SCIN: variants seen among roughly 807,000 people sequenced by gnomAD.
SCIN encodes adseverin.
A neutral mutation model predicts 91.8 loss-of-function variants in SCIN; 91 were observed. The observed-to-expected ratio is 0.99, with a 90% CI of 0.84 to 1.18. SCIN has a LOEUF of 1.18. SCIN is among the 50% of genes most tolerant of loss of function. The pLI is 0.00. For missense variants in SCIN, 1,087 were observed against 863.9 expected, an observed-to-expected ratio of 1.26 and a Z score of -3.24; for synonymous variants, 367 against 312.6, an observed-to-expected ratio of 1.17 and a Z score of -1.84.
intron 2 of SCIN, 92 bp from the exon 3 acceptor site, chr7:12,580,968 C>G: frequency 7.6e-7 from 1 of 1,314,596 alleles, no homozygotes; most frequent in East Asian, 2.5e-5. Flanking sequence ...GGCACAAACA[C>G]CAGCAGTATT....
intron 4 of SCIN, among the ~76,000 whole-genome samples, chr7:12,621,453 C>T (rs997486178): frequency 4.6e-5 from 7 of 151,936 alleles, no homozygotes; most frequent in Non-Finnish European, 7.4e-5. Flanking sequence ...AGACTGGGTC[C>T]GCCCACTGGG....
chr7:12,655,696 C>G lies in SCIN; in HGVS notation c.*2981C>G, dbSNP rs1055207994. 3.3e-5 allele frequency: 5 copies of G among 152,166 alleles called. No homozygotes were observed. Among genetic ancestry groups the G allele is most frequent in the Non-Finnish European group, 5.9e-5 (4 of 68,016 alleles). 9.4% of individuals were successfully genotyped at this position (152,166 alleles called of 1,614,324 possible). The stretch of plus-strand genomic sequence containing the variant: ...CTTTTTGATCCATAGCACAGTATTA[C>G]TTTTGTAAACATACACAAAAAATAT... On this transcript the variant is annotated 3_prime_UTR_variant, in exon 16 of 16. Coordinates refer to ENST00000297029, the MANE Select transcript of SCIN (RefSeq NM_001112706.3).
intron 3 of SCIN, chr7:12,596,160 G>A (rs1782836519): frequency 3.4e-6 from 1 of 297,510 alleles, no homozygotes; most frequent in Non-Finnish European, 6.7e-6. Context: ...CTTCCCTTAG[G>A]GTGGGCTGCC....
intron 4 of SCIN, among the ~76,000 whole-genome samples, chr7:12,605,516 G>A (rs1441870017): frequency 1.3e-5 from 2 of 152,168 alleles, no homozygotes; most frequent in Non-Finnish European, 2.9e-5. Context: ...TTGGGGATGG[G>A]AGTCAAGTCT....
At chr7:12,624,911 A>T (rs545186014) in intron 5 of SCIN, 99 bp from the exon 6 acceptor site, 1 of 1,184,642 alleles carries the variant, frequency 8.4e-7, no homozygotes, top group Non-Finnish European at 1.2e-6. Flanking sequence ...TTTTTATTTG[A>T]TGACATTTAC....
chr7:12,577,545 T>A (rs1291109350), intron 1 of SCIN: 1 of 456,364 alleles, frequency 2.2e-6, no homozygotes, highest in East Asian at 6.9e-5. Context: ...TTTAAAGGAA[T>A]TGGAAAAAGC....
In SCIN at chr7:12,644,334, A is replaced by G; in HGVS notation, c.1759+19A>G. On this transcript the variant is annotated intron_variant, in intron 12 of 15. Coordinates refer to ENST00000297029, the MANE Select transcript of SCIN (RefSeq NM_001112706.3). ...GAGCCAGGTGTGTGCTCTGGGGCCAAGGGCACTAACTAGAATTTATACTGA... is the reference window on the plus strand; with the variant it reads ...GAGCCAGGTGTGTGCTCTGGGGCCAGGGGCACTAACTAGAATTTATACTGA... The G allele has an allele frequency of 6.4e-7, 1 of 1,566,058 alleles. No individual in the cohort carries two copies. Among genetic ancestry groups the G allele is most frequent in the Non-Finnish European group, 8.7e-7 (1 of 1,155,250 alleles).
Position 12,625,060 on chromosome 7 carries a change from C to T in SCIN, c.810C>T (p.Asn270=). 2 of 1,591,230 alleles carry T rather than the reference C, an allele frequency of 1.3e-6. No homozygotes were observed. The highest frequency in any genetic ancestry group is 8.6e-7 in the Non-Finnish European group (1 of 1,167,860). ...GAGTGACTGTGGTGGCAGAAGAAAA[C>T]CCCTTCTCAATGGCAATGCTGCTGT... ...SMRVTVVAEE[N]PFSMAMLLSE... is the part of the protein sequence containing the mutation. The change falls in exon 6 of 16, where the codon AAC becomes AAT. Residue 270 remains asparagine (N), a synonymous_variant. Transcript: ENST00000297029.
chr7:12,578,190 GCTATT>G lies in SCIN; in HGVS notation c.327_331del (p.Tyr110GlnfsTer35). The G allele has an allele frequency of 6.5e-7, 1 of 1,547,834 alleles. No homozygotes were observed. Among genetic ancestry groups the G allele is most frequent in the Non-Finnish European group, 8.7e-7 (1 of 1,145,288 alleles). Reference sequence around the variant, plus strand: ...GGATATGAGTCTAATGACTTTGTTAGCTATTTCAAAGGCGGTCTGAAATACAAGGT... The same window carrying G: ...GGATATGAGTCTAATGACTTTGTTAGTCAAAGGCGGTCTGAAATACAAGGT... On this transcript the variant is annotated frameshift_variant, in exon 2 of 16. Transcript: ENST00000297029. LOFTEE classifies it high-confidence loss of function.
intron 4 of SCIN, among the ~76,000 whole-genome samples, chr7:12,615,688 T>C (rs1422358994): frequency 1.3e-5 from 2 of 152,060 alleles, no homozygotes; most frequent in East Asian, 1.9e-4. Flanking sequence ...TGGTTTAGGG[T>C]AATTGAGGTA....
intron 14 of SCIN, among the ~76,000 whole-genome samples, chr7:12,650,173 T>G (rs1256570253): frequency 6.6e-6 from 1 of 151,998 alleles, no homozygotes; most frequent in African/African-American, 2.4e-5. Context: ...AGTCGTAGAG[T>G]CAAGCACAGA....
intron 8 of SCIN, among the ~76,000 whole-genome samples, chr7:12,628,309 T>G (rs1441524009): frequency 6.6e-6 from 1 of 152,190 alleles, no homozygotes. Context: ...TTCAGGCTAC[T>G]ATAACAAAAG....
At chr7:12,607,825 A>G (rs920166701) in intron 4 of SCIN, among the ~76,000 whole-genome samples, 19 of 152,230 alleles carry the variant, frequency 1.2e-4, no homozygotes, top group African/African-American at 4.3e-4. Flanking sequence ...TTGAGCACCT[A>G]TAACAAACTT....
rs1208883129 is a variant in SCIN at position 12,654,621 on chromosome 7, T to A, written c.*1906T>A. 1 of 152,220 alleles carries A rather than the reference T, an allele frequency of 6.6e-6. No individual in the cohort carries two copies. Among genetic ancestry groups the A allele is most frequent in the Non-Finnish European group, 1.5e-5 (1 of 68,034 alleles). The allele number at this position is 152,220 out of a possible 1,614,324, so 9.4% of individuals were successfully genotyped here. A position where few individuals can be genotyped will look rare whatever the true frequency, so the allele number is the denominator to read the frequency against. ...AATAAAATGATTTAATAAGTAGTAC[T>A]TTTTCACAAAATTAGTAAAGGTCAA... On this transcript the variant is annotated 3_prime_UTR_variant, in exon 16 of 16. Transcript: ENST00000297029.
rs933553380 is a variant in SCIN at position 12,657,218 on chromosome 7, T to C, written c.*4503T>C. 1.8e-3 allele frequency: 255 copies of C among 138,162 alleles called. No individual in the cohort carries two copies. The highest frequency in any genetic ancestry group is 6.9e-3 in the African/African-American group (248 of 35,886). 8.6% of individuals were successfully genotyped at this position (138,162 alleles called of 1,614,324 possible). On this transcript the variant is annotated 3_prime_UTR_variant, in exon 16 of 16. Coordinates refer to ENST00000297029, the MANE Select transcript of SCIN (RefSeq NM_001112706.3). The stretch of plus-strand genomic sequence containing the variant: ...ACTAAAGGATATAATATGATTTTTT[T>C]TTTTTTTTTTTTTTTTTTGAGATAG...
chr7:12,638,653 A>C (rs1167615680), intron 10 of SCIN, among the ~76,000 whole-genome samples: 5 of 152,218 alleles, frequency 3.3e-5, no homozygotes, highest in African/African-American at 1.2e-4. Context: ...CAAGTTAGAC[A>C]CTTCAGAACA....
intron 4 of SCIN, among the ~76,000 whole-genome samples, chr7:12,609,243 G>A (rs945621824): frequency 2.0e-5 from 3 of 152,082 alleles, no homozygotes; most frequent in Non-Finnish European, 2.9e-5. Flanking sequence ...TTAAAAGCCC[G>A]TGTGCCTAAA....
chr7:12,659,669 G>A lies in SCIN; in HGVS notation c.*6954G>A, dbSNP rs1020917135. 2.0e-5 allele frequency: 3 copies of A among 152,902 alleles called. No individual in the cohort carries two copies. Among genetic ancestry groups the A allele is most frequent in the African/African-American group, 7.2e-5 (3 of 41,448 alleles). 9.5% of individuals were successfully genotyped at this position (152,902 alleles called of 1,614,324 possible). ...GTGCAAATCACTGTCCCTAGTCTGAGCCATATTTAGTGTCTTGAAAGAGCC... is the reference window on the plus strand; with the variant it reads ...GTGCAAATCACTGTCCCTAGTCTGAACCATATTTAGTGTCTTGAAAGAGCC... On this transcript the variant is annotated 3_prime_UTR_variant, in exon 16 of 16. Coordinates refer to ENST00000297029, the MANE Select transcript of SCIN (RefSeq NM_001112706.3).
chr7:12,598,750 A>G (rs1387868345), intron 3 of SCIN, among the ~76,000 whole-genome samples: 1 of 152,092 alleles, frequency 6.6e-6, no homozygotes, highest in East Asian at 1.9e-4. Flanking sequence ...AAACAAAAAA[A>G]CAAAAAAAGT....
Sources: allele counts gnomAD v4.1 joint callset (sites outside exome capture counted in the v4.1 genomes callset), GRCh38; gene constraint gnomAD v4.1.1; transcripts MANE v1.5; gene names NCBI Gene and HGNC (gene_info 2026-07-23, HGNC 2026-07-21).